PCDH11X: variants seen among roughly 807,000 people sequenced by gnomAD.
PCDH11X encodes the protein protocadherin-11 X-linked.
In PCDH11X, 18 loss-of-function variants were observed where a neutral mutation model predicts 53.3. That is an observed-to-expected ratio of 0.34 (90% CI 0.23 to 0.50). The LOEUF (loss-of-function observed/expected upper bound fraction) is 0.50, where lower values mean the gene tolerates loss of function less well. PCDH11X is among the 20% of genes least tolerant of loss of function. The pLI is 0.98. For synonymous variants in PCDH11X, 279 were observed against 393.3 expected (o/e 0.71, Z 3.44); for missense variants, 570 against 1,032.4 (o/e 0.55, Z 6.14).
At chrX:92,297,524 G>T (rs1487537218) in intron 8 of PCDH11X, among the ~76,000 whole-genome samples, 1 of 111,820 alleles carries the variant, frequency 8.9e-6, no homozygotes, top group Non-Finnish European at 1.9e-5. Context: ...TTTTGTACCA[G>T]TTCCACCCTA....
chrX:92,221,002 T>G (rs1194441059), intron 7 of PCDH11X, among the ~76,000 whole-genome samples: 53 of 84,201 alleles, frequency 6.3e-4, no homozygotes, highest in South Asian at 2.0e-3. Flanking sequence ...TGAACAATGA[T>G]AACACATGGA....
chrX:92,618,223 T>C, intron 10 of PCDH11X, 41 bp from the exon 11 acceptor site: 1 of 1,165,322 alleles, frequency 8.6e-7, no homozygotes, highest in Admixed American at 2.6e-5. Flanking sequence ...AAATATGCCT[T>C]TGAAATATAA....
At chrX:92,127,013 T>A (rs1272361577) in intron 6 of PCDH11X, among the ~76,000 whole-genome samples, 1 of 108,051 alleles carries the variant, frequency 9.3e-6, no homozygotes, top group Non-Finnish European at 1.9e-5. Context: ...TTAATGAGCA[T>A]ATCTAGTGCA....
At chrX:92,244,868 A>G (rs1354027871) in intron 7 of PCDH11X, among the ~76,000 whole-genome samples, 1 of 111,540 alleles carries the variant, frequency 9.0e-6, no homozygotes, top group African/African-American at 3.3e-5. Context: ...GAAATTCCAT[A>G]ATTAGCGTTC....
chrX:91,847,967 G>A (rs1277756982), intron 5 of PCDH11X, among the ~76,000 whole-genome samples: 2 of 111,748 alleles, frequency 1.8e-5, no homozygotes, highest in Non-Finnish European at 3.8e-5. Flanking sequence ...AAATGTAGGA[G>A]GTATTAAATG....
At chrX:91,952,134 C>T (rs1188890578) in intron 6 of PCDH11X, among the ~76,000 whole-genome samples, 2 of 111,371 alleles carry the variant, frequency 1.8e-5, no homozygotes, top group Non-Finnish European at 3.8e-5. Flanking sequence ...TTGTAGCAAA[C>T]TTTCGTGAAT....
chrX:92,541,371 C>T (rs1388622910), intron 10 of PCDH11X, among the ~76,000 whole-genome samples: 2 of 110,585 alleles, frequency 1.8e-5, no homozygotes, highest in Non-Finnish European at 3.8e-5. Flanking sequence ...ACTGTGCTCT[C>T]CCTCCCCCAA....
At chrX:92,364,173 C>A (rs1390103327) in intron 8 of PCDH11X, among the ~76,000 whole-genome samples, 9 of 111,553 alleles carry the variant, frequency 8.1e-5, no homozygotes, top group African/African-American at 2.9e-4. Context: ...TAGTCATGTG[C>A]TACTTAACAA....
chrX:92,185,009 T>C (rs1345870268), intron 6 of PCDH11X, among the ~76,000 whole-genome samples: 1 of 111,950 alleles, frequency 8.9e-6, no homozygotes, highest in Admixed American at 9.6e-5. Flanking sequence ...TAATTCAGAA[T>C]AATATCACCA....
At chrX:91,794,222 G>A (rs917712487) in intron 1 of PCDH11X, among the ~76,000 whole-genome samples, 5 of 112,093 alleles carry the variant, frequency 4.5e-5, no homozygotes, top group Non-Finnish European at 9.4e-5. Context: ...ACAACCCTGT[G>A]GATTAGCTGG....
intron 5 of PCDH11X, among the ~76,000 whole-genome samples, chrX:91,848,028 C>T (rs1937783730): frequency 9.0e-6 from 1 of 110,919 alleles, no homozygotes; most frequent in Admixed American, 9.6e-5. Flanking sequence ...AATGTGTGAC[C>T]GAGTTTCTCC....
At chrX:92,229,361 G>A (rs999890325) in intron 7 of PCDH11X, among the ~76,000 whole-genome samples, 1 of 110,933 alleles carries the variant, frequency 9.0e-6, no homozygotes, top group African/African-American at 3.3e-5. Flanking sequence ...TTTTGCCAAG[G>A]TCTCATCTTT....
chrX:92,461,389 C>T (rs184002709), intron 9 of PCDH11X, among the ~76,000 whole-genome samples: 2,012 of 109,622 alleles, frequency 0.018, 30 homozygotes, highest in African/African-American at 0.046. Flanking sequence ...AATAGAGAAC[C>T]CACAAACAAA....
At chrX:92,369,716 C>T (rs1173970122) in intron 8 of PCDH11X, among the ~76,000 whole-genome samples, 9 of 111,586 alleles carry the variant, frequency 8.1e-5, no homozygotes, top group African/African-American at 2.6e-4. Context: ...GGCCGTGTAG[C>T]ACAGTCCCTC....
intron 8 of PCDH11X, among the ~76,000 whole-genome samples, chrX:92,294,298 C>G (rs959786089): frequency 9.1e-6 from 1 of 109,879 alleles, no homozygotes; most frequent in African/African-American, 3.3e-5. Flanking sequence ...CCCACCACCA[C>G]GCCCAGCTGA....
chrX:92,433,802 CT>C (rs1394811952), intron 9 of PCDH11X, among the ~76,000 whole-genome samples: 3 of 111,226 alleles, frequency 2.7e-5, no homozygotes, highest in Non-Finnish European at 5.7e-5. Flanking sequence ...AACTATTGTT[CT>C]TGTCTTCGTT....
chrX:92,536,489 G>T (rs1360950512), intron 10 of PCDH11X, among the ~76,000 whole-genome samples: 1 of 109,926 alleles, frequency 9.1e-6, no homozygotes, highest in African/African-American at 3.3e-5. Context: ...TAGTGGGATT[G>T]GTATACCATA....
At chrX:92,102,971 G>A (rs1376779988) in intron 6 of PCDH11X, among the ~76,000 whole-genome samples, 3 of 111,515 alleles carry the variant, frequency 2.7e-5, no homozygotes, top group South Asian at 7.5e-4. Context: ...CTTTCAAAGC[G>A]TGCTGTGGGA....
Position 92,459,079 on chromosome X carries a change from G to A in PCDH11X, c.3344-9220G>A, listed in dbSNP as rs766722022. On this transcript the variant is annotated intron_variant, in intron 9 of 10. Transcript: ENST00000682573. ...TTTGGATAAAAGCCATTTTAACTGG[G>A]GCGAGATGATTTCTCATTGTAGTTT... Among the ~76,000 whole-genome samples the A allele has an allele frequency of 3.4e-3, 336 of 99,471 alleles. 2 individuals are homozygous for A. Among genetic ancestry groups the A allele is most frequent in the African/African-American group, 0.012 (317 of 27,207 alleles). The allele number at this position is 99,471 out of a possible 115,157, so 86.4% of individuals were successfully genotyped here. A position where few individuals can be genotyped will look rare whatever the true frequency, so the allele number is the denominator to read the frequency against.
Sources: allele counts gnomAD v4.1 joint callset (sites outside exome capture counted in the v4.1 genomes callset), GRCh38; gene constraint gnomAD v4.1.1; transcripts MANE v1.5; gene names NCBI Gene and HGNC (gene_info 2026-07-23, HGNC 2026-07-21).